SFI1: variants seen among roughly 807,000 people sequenced by gnomAD.
SFI1 encodes SFI1 centrin binding protein, also known as protein SFI1 homolog.
A neutral mutation model predicts 207.5 loss-of-function variants in SFI1; 195 were observed. The ratio of observed to expected loss-of-function variants is 0.94; its 90% CI spans 0.84 to 1.06. The LOEUF (loss-of-function observed/expected upper bound fraction) is 1.06, where lower values mean the gene tolerates loss of function less well. SFI1 is among the 50% of genes least tolerant of loss of function. The probability of loss-of-function intolerance (pLI) is 0.00; values close to 1 mark genes in which losing one functional copy is unlikely to be tolerated. For synonymous variants in SFI1, 630 were observed against 598.9 expected (o/e 1.05, Z -0.76); for missense variants, 1,634 against 1,588.0 (o/e 1.03, Z -0.49).
intron 8 of SFI1, among the ~76,000 whole-genome samples, chr22:31,566,436 T>A (rs2145632850): frequency 6.6e-6 from 1 of 152,336 alleles, no homozygotes; most frequent in East Asian, 1.9e-4. Context: ...CTCGGCTCTG[T>A]CTTCCATTCA....
chr22:31,558,391 A>G (rs760843083), intron 7 of SFI1, among the ~76,000 whole-genome samples: 4 of 152,204 alleles, frequency 2.6e-5, no homozygotes, highest in Non-Finnish European at 4.4e-5. Context: ...TAAATAATTA[A>G]AATCATTACT....
chr22:31,590,979 A>ATTTATTTATTTATTTTT (rs1285119931), intron 15 of SFI1, among the ~76,000 whole-genome samples: 1 of 142,130 alleles, frequency 7.0e-6, no homozygotes, highest in Non-Finnish European at 1.5e-5. Flanking sequence ...TTATTTATTT[A>ATTTATTTATTTATTTTT]TTTTTTTATT....
intron 22 of SFI1, among the ~76,000 whole-genome samples, chr22:31,608,927 G>C (rs2069557256): frequency 6.6e-6 from 1 of 152,052 alleles, no homozygotes; most frequent in Non-Finnish European, 1.5e-5. Context: ...GATCACTTGA[G>C]CCCAAGAGCT....
intron 4 of SFI1, among the ~76,000 whole-genome samples, chr22:31,533,652 C>T (rs1401934545): frequency 6.6e-6 from 1 of 152,094 alleles, no homozygotes. Flanking sequence ...CCCTTGTTTT[C>T]AGCTGTAGCC....
Position 31,508,323 on chromosome 22 carries a change from C to T in SFI1, c.39C>T (p.His13=), listed in dbSNP as rs376089227. 2 of 1,613,312 alleles carry T rather than the reference C, an allele frequency of 1.2e-6. No individual in the cohort carries two copies. Among genetic ancestry groups the T allele is most frequent in the Admixed American group, 1.7e-5 (1 of 59,940 alleles). Residue 13 remains histidine (H), a synonymous_variant, in exon 2 of 33, where the codon CAC becomes CAT. Transcript: ENST00000400288. ...TCACTGAGAAGTGTATATCAAGCCA[C>T]AATTTCCATCAAAAAGTGATTAAGC... ...NLLTEKCISS[H]NFHQKVIKQR... is the part of the protein sequence containing the mutation.
At chr22:31,528,315 T>C (rs1222590247) in intron 2 of SFI1, among the ~76,000 whole-genome samples, 1 of 151,684 alleles carries the variant, frequency 6.6e-6, no homozygotes. Context: ...GCCTAGTTGC[T>C]TGGGAGGCTG....
At chr22:31,601,632 G>C (rs539427459) in intron 15 of SFI1, among the ~76,000 whole-genome samples, 14 of 152,234 alleles carry the variant, frequency 9.2e-5, no homozygotes, top group African/African-American at 3.4e-4. Context: ...TGAAGACCTG[G>C]GGTCTCAGGG....
At chr22:31,553,031 C>G (rs2039238233) in intron 6 of SFI1, among the ~76,000 whole-genome samples, 1 of 151,990 alleles carries the variant, frequency 6.6e-6, no homozygotes, top group South Asian at 2.1e-4. Context: ...GTTATGGAGA[C>G]AGGGTCTGGC....
chr22:31,608,401 A>G (rs770396463), intron 22 of SFI1, among the ~76,000 whole-genome samples: 6 of 152,126 alleles, frequency 3.9e-5, no homozygotes, highest in African/African-American at 7.2e-5. Flanking sequence ...GGTCCCTTAG[A>G]AGGACTCTGG....
At chr22:31,596,467 T>C (rs768086825) in intron 15 of SFI1, among the ~76,000 whole-genome samples, 1 of 152,088 alleles carries the variant, frequency 6.6e-6, no homozygotes, top group Admixed American at 6.6e-5. Flanking sequence ...TACCTAGTCA[T>C]GTATTGTGGG....
In SFI1 at chr22:31,593,285, G is replaced by A. The variant is rs748293388; in HGVS notation, c.1544+3708G>A. Among the ~76,000 whole-genome samples the A allele has an allele frequency of 4.1e-3, 580 of 142,706 alleles. 5 individuals are homozygous for A. Among genetic ancestry groups the A allele is most frequent in the African/African-American group, 0.014 (528 of 38,186 alleles). 93.6% of individuals were successfully genotyped at this position (142,706 alleles called of 152,430 possible). A position where few individuals can be genotyped will look rare whatever the true frequency, so the allele number is the denominator to read the frequency against. On this transcript the variant is annotated intron_variant, in intron 15 of 32. Transcript: ENST00000400288. ...GGTCTCCTCACTTCTCAGACGGGGC[G>A]GCCGGGCAGAGACGCTCCTCACCTC...
chr22:31,617,055 C>A lies in SFI1; in HGVS notation c.3489C>A (p.Tyr1163Ter). The change falls in exon 31 of 33, where the codon TAC becomes TAA. Residue 1163 changes from tyrosine to a stop codon, truncating the protein, a stop_gained. Coordinates refer to ENST00000400288, the MANE Select transcript of SFI1 (RefSeq NM_001007467.3). LOFTEE classifies it high-confidence loss of function. ...AGATCCAGCAGCAACTACTGCACTA[C>A]CAGACCACCAAGCAGAACCTCTGGT... ...LEEIQQQLLH[Y>*]QTTKQNLWSC... The A allele has an allele frequency of 6.2e-7, 1 of 1,614,060 alleles. No homozygotes were observed. Among genetic ancestry groups the A allele is most frequent in the Non-Finnish European group, 8.5e-7 (1 of 1,180,034 alleles).
Position 31,602,701 on chromosome 22 carries a change from CAG to C in SFI1, c.1722_1723del (p.Val575GlyfsTer126), listed in dbSNP as rs754370740. Reference sequence around the variant, plus strand: ...CGTCACCAGGAGCAGGAGTGGCAAACAGTGGCCTGTGCCCACCACCGCCACGG... The same window carrying C: ...CGTCACCAGGAGCAGGAGTGGCAAACTGGCCTGTGCCCACCACCGCCACGG... On this transcript the variant is annotated frameshift_variant, in exon 17 of 33. Coordinates refer to ENST00000400288, the MANE Select transcript of SFI1 (RefSeq NM_001007467.3). LOFTEE classifies it high-confidence loss of function. The C allele has an allele frequency of 1.6e-5, 26 of 1,614,156 alleles. No individual in the cohort carries two copies. The African/African-American group carries it at 3.2e-4, about 20-fold the overall frequency.
rs759980066 is a variant in SFI1 at position 31,585,137 on chromosome 22, A to G, written c.1413+3A>G. 15 of 1,613,244 alleles carry G rather than the reference A, an allele frequency of 9.3e-6. No individual in the cohort carries two copies. Among genetic ancestry groups the G allele is most frequent in the South Asian group, 4.4e-5 (4 of 91,022 alleles). The stretch of plus-strand genomic sequence containing the variant: ...CTCAGAAGAGGCGGTACAAGCAGGT[A>G]TGGAGTACTTTTTAGCAGATAGCTC... On this transcript the variant is annotated splice_donor_region_variant and intron_variant, in intron 14 of 32. Transcript: ENST00000400288.
chr22:31,573,081 GC>G lies in SFI1; in HGVS notation c.790del (p.Leu264SerfsTer15), dbSNP rs1321504499. On this transcript the variant is annotated frameshift_variant, in exon 9 of 33. Transcript: ENST00000400288. LOFTEE classifies it high-confidence loss of function. The part of the protein sequence containing the change: ...VQAWSQWREQ[L>X]LYVQKEKQKV... Reference sequence around the variant, plus strand: ...AGGCTTGGTCACAGTGGCGGGAACAGCTCCTGTATGTCCAGAAGGAGAAACA... The same window carrying G: ...AGGCTTGGTCACAGTGGCGGGAACAGTCCTGTATGTCCAGAAGGAGAAACA... 1 of 1,608,984 alleles carries G rather than the reference GC, an allele frequency of 6.2e-7. No homozygotes were observed. The highest frequency in any genetic ancestry group is 1.7e-5 in the Admixed American group (1 of 59,788).
intron 4 of SFI1, among the ~76,000 whole-genome samples, chr22:31,539,882 C>A: frequency 6.6e-6 from 1 of 151,774 alleles, no homozygotes; most frequent in East Asian, 1.9e-4. Flanking sequence ...CGCCTGGCTA[C>A]TTTTTGAATT....
rs774163759 is a variant in SFI1, at chr22:31,604,405, G to GTAGGAACTGCTGCT, written c.1977+3_1977+16dup. On this transcript the variant is annotated splice_donor_variant, in intron 19 of 32. Transcript: ENST00000400288. LOFTEE classifies it high-confidence loss of function. ...GCACAGGGCGCTGCAGGCATGGGTG[G>GTAGGAACTGCTGCT]TAGGAACTGCTGCTTCCCTCCTGAT... 1 of 1,524,746 alleles carries GTAGGAACTGCTGCT rather than the reference G, an allele frequency of 6.6e-7. No homozygotes were observed. The highest frequency in any genetic ancestry group is 1.2e-5 in the South Asian group (1 of 81,336). 94.5% of individuals were successfully genotyped at this position (1,524,746 alleles called of 1,614,324 possible).
rs1479902365 is a variant in SFI1, at chr22:31,602,786, G to A, written c.1805+1G>A. On this transcript the variant is annotated splice_donor_variant, in intron 17 of 32. Coordinates refer to ENST00000400288, the MANE Select transcript of SFI1 (RefSeq NM_001007467.3). LOFTEE classifies it high-confidence loss of function. ...AAAGTGCCCAAGGGCTCAGAACAGA[G>A]TGAGTGGCCAGTTCTGCCTTACAAG... is the stretch of plus-strand genomic sequence containing the variant. The A allele has an allele frequency of 3.1e-6, 5 of 1,612,782 alleles. No homozygotes were observed. The highest frequency in any genetic ancestry group is 1.7e-5 in the Admixed American group (1 of 59,990).
At chr22:31,548,843 A>G (rs1404598253) in intron 5 of SFI1, among the ~76,000 whole-genome samples, 1 of 152,056 alleles carries the variant, frequency 6.6e-6, no homozygotes, top group Middle Eastern at 3.2e-3. Flanking sequence ...ATGAATGTTA[A>G]TAAAATATTT....
Sources: gnomAD v4.1 joint callset for allele counts (sites outside exome capture counted in the v4.1 genomes callset) on GRCh38, gnomAD v4.1.1 for gene constraint, MANE v1.5 for transcripts, NCBI Gene and HGNC (gene_info 2026-07-23, HGNC 2026-07-21) for gene names.